Variants in POLR3H observed in about 807,000 individuals in gnomAD.
The protein encoded by POLR3H is RNA polymerase III subunit H.
A neutral mutation model predicts 25.5 loss-of-function variants in POLR3H; 17 were observed. That is an observed-to-expected ratio of 0.67 (90% CI 0.46 to 1.00). The LOEUF is 1.00. Ranked by LOEUF, POLR3H falls within the 50% of genes least tolerant of loss-of-function variation. The pLI, the probability that POLR3H is intolerant of heterozygous loss-of-function variation, is 0.00. For missense variants in POLR3H, 274 were observed against 265.0 expected, an observed-to-expected ratio of 1.03 and a Z score of -0.24; for synonymous variants, 129 against 103.0, an observed-to-expected ratio of 1.25 and a Z score of -1.53.
At chr22:41,530,998 C>T in intron 4 of POLR3H, 110 bp from the exon 5 acceptor site, 8 of 1,065,880 alleles carry the variant, frequency 7.5e-6, no homozygotes, top group South Asian at 5.7e-5. Flanking sequence ...ATCACTGTGG[C>T]TGGGAAGTCA....
chr22:41,537,309 A>G (rs2066865123), intron 2 of POLR3H, among the ~76,000 whole-genome samples: 1 of 152,186 alleles, frequency 6.6e-6, no homozygotes, highest in African/African-American at 2.4e-5. Context: ...ACAGATAGGG[A>G]AACCGAGTTT....
chr22:41,532,120 T>C lies in POLR3H; in HGVS notation c.333A>G (p.Pro111=). 6.2e-7 allele frequency: 1 copy of C among 1,614,030 alleles called. No individual in the cohort carries two copies. The highest frequency in any genetic ancestry group is 8.5e-7 in the Non-Finnish European group (1 of 1,179,964). The change falls in exon 4 of 6, where the codon CCA becomes CCG. Residue 111 remains proline, a synonymous_variant. Coordinates refer to ENST00000355209, the MANE Select transcript of POLR3H (RefSeq NM_001018050.4). ...ACTTGGCTGGCTGCTGCAGTGACTC[T>C]GGGGGGATGAGAATGTCATCGAAGA... The part of the protein sequence containing the change: ...LGFFDDILIP[P]ESLQQPAKFD...
At position 41,544,318 on chromosome 22, in the gene POLR3H, C is replaced by A; in HGVS notation, c.-217G>T. ...GCCAGAGGGAGGCACTCTCCGTCCA[C>A]AGCTCCGGGTGCGCGCCCGCGCCGC... On this transcript the variant is annotated 5_prime_UTR_variant, in exon 1 of 6. Coordinates refer to ENST00000355209, the MANE Select transcript of POLR3H (RefSeq NM_001018050.4). The A allele has an allele frequency of 2.1e-6, 1 of 465,368 alleles. No individual in the cohort carries two copies. Among genetic ancestry groups the A allele is most frequent in the Non-Finnish European group, 3.8e-6 (1 of 261,590 alleles). The allele number at this position is 465,368 out of a possible 1,614,324, so 28.8% of individuals were successfully genotyped here.
Position 41,527,182 on chromosome 22 carries a change from C to A in POLR3H, c.*2101G>T. 3.2e-6 allele frequency: 5 copies of A among 1,565,478 alleles called. No homozygotes were observed. The South Asian group carries it at 5.7e-5, about 18-fold the overall frequency. ...CCCCTCCAGCCCCTTTACCGGGAGC[C>A]TCAGGATGCCCAGGCGCCAGGTGGG... On this transcript the variant is annotated 3_prime_UTR_variant, in exon 6 of 6. Transcript: ENST00000355209.
Position 41,526,608 on chromosome 22 carries a change from T to G in POLR3H, c.*2675A>C. The G allele has an allele frequency of 2.6e-6, 2 of 759,802 alleles. No homozygotes were observed. The highest frequency in any genetic ancestry group is 3.9e-6 in the Non-Finnish European group (2 of 507,596). 47.1% of individuals were successfully genotyped at this position (759,802 alleles called of 1,614,324 possible). A position where few individuals can be genotyped will look rare whatever the true frequency, so the allele number is the denominator to read the frequency against. On this transcript the variant is annotated 3_prime_UTR_variant, in exon 6 of 6. Coordinates refer to ENST00000355209, the MANE Select transcript of POLR3H (RefSeq NM_001018050.4). ...GAAGGGAGGAGAGGCCTGCAGCCCC[T>G]CCCTGTGGCTGAGAAGGCATGAGGC...
Position 41,529,184 on chromosome 22 carries a change from G to T in POLR3H, c.*99C>A. ...GGCCTTGCCTCACTGTCCAGCTCGAGACACTATCTCCTTAGCATCGGCCTC... is the reference window on the plus strand; with the variant it reads ...GGCCTTGCCTCACTGTCCAGCTCGATACACTATCTCCTTAGCATCGGCCTC... On this transcript the variant is annotated 3_prime_UTR_variant, in exon 6 of 6. Coordinates refer to ENST00000355209, the MANE Select transcript of POLR3H (RefSeq NM_001018050.4). The T allele has an allele frequency of 9.1e-7, 1 of 1,096,566 alleles. No individual in the cohort carries two copies. Among genetic ancestry groups the T allele is most frequent in the Non-Finnish European group, 1.3e-6 (1 of 754,872 alleles). The allele number at this position is 1,096,566 out of a possible 1,614,324, so 67.9% of individuals were successfully genotyped here.
At position 41,526,987 on chromosome 22, in the gene POLR3H, CCT is replaced by C. The variant is rs1272178762; in HGVS notation, c.*2294_*2295del. The C allele has an allele frequency of 8.3e-6, 4 of 484,498 alleles. No individual in the cohort carries two copies. The highest frequency in any genetic ancestry group is 1.5e-5 in the Non-Finnish European group (4 of 270,564). 30.0% of individuals were successfully genotyped at this position (484,498 alleles called of 1,614,324 possible). ...TCTTGTGTGGGGCCCGGAGGCCGTCCCTGTCTCACCCAACCTCCCTCCACACA... is the reference window on the plus strand; with the variant it reads ...TCTTGTGTGGGGCCCGGAGGCCGTCCGTCTCACCCAACCTCCCTCCACACA... On this transcript the variant is annotated 3_prime_UTR_variant, in exon 6 of 6. Transcript: ENST00000355209.
chr22:41,533,814 C>A (rs2066792273), intron 2 of POLR3H: 1 of 771,174 alleles, frequency 1.3e-6, no homozygotes, highest in Non-Finnish European at 1.9e-6. Flanking sequence ...CCCTGTCCCC[C>A]ACATGGCCCA....
chr22:41,532,347 G>T (rs1440625888), intron 3 of POLR3H, among the ~76,000 whole-genome samples, 190 bp from the exon 4 acceptor site: 1 of 152,184 alleles, frequency 6.6e-6, no homozygotes, highest in Non-Finnish European at 1.5e-5. Flanking sequence ...GCAGCCCTGG[G>T]CAAAGCCCGG....
intron 5 of POLR3H, among the ~76,000 whole-genome samples, chr22:41,530,006 T>C (rs564364236): frequency 1.2e-4 from 18 of 152,194 alleles, no homozygotes; most frequent in Admixed American, 8.5e-4. Context: ...CCGCCCACCT[T>C]GGCCTCCCAA....
chr22:41,537,506 A>C (rs1334244874), intron 2 of POLR3H, among the ~76,000 whole-genome samples: 2 of 152,190 alleles, frequency 1.3e-5, no homozygotes, highest in Non-Finnish European at 2.9e-5. Context: ...TCAGCCTCAA[A>C]GCATGGCAAT....
rs1193430602 is a variant in POLR3H at position 41,530,794 on chromosome 22, C to G, written c.454G>C (p.Val152Leu). The change falls in exon 5 of 6, where the codon GTG becomes CTG. Residue 152 changes from valine to leucine, a missense_variant. Coordinates refer to ENST00000355209, the MANE Select transcript of POLR3H (RefSeq NM_001018050.4). The stretch of plus-strand genomic sequence containing the variant: ...GTGTCAACAAAGCTCTCGTCCACCA[C>G]CCGGAAGCGGATCTCCTCGCCGGTG... ...MDTGEEIRFR[V>L]VDESFVDTSP... is the part of the protein sequence containing the mutation. The G allele has an allele frequency of 1.2e-6, 2 of 1,614,136 alleles. No homozygotes were observed. The highest frequency in any genetic ancestry group is 3.3e-5 in the Admixed American group (2 of 60,034).
At chr22:41,543,583 T>C (rs948645694) in intron 1 of POLR3H, among the ~76,000 whole-genome samples, 2 of 152,074 alleles carry the variant, frequency 1.3e-5, no homozygotes, top group African/African-American at 4.8e-5. Context: ...ATCGCGCCAC[T>C]GCACTCCAGC....
In POLR3H at chr22:41,525,998, C is replaced by T. The variant is rs1354896855; in HGVS notation, c.*3285G>A. On this transcript the variant is annotated 3_prime_UTR_variant, in exon 6 of 6. Transcript: ENST00000355209. ...GCCTGAAGGGTGAGCGAACATTGAC[C>T]TGTCCCAACTTTGGGCGGCCTCTGC... The T allele has an allele frequency of 2.4e-6, 1 of 410,290 alleles. No homozygotes were observed. The highest frequency in any genetic ancestry group is 4.4e-6 in the Non-Finnish European group (1 of 227,588). 25.4% of individuals were successfully genotyped at this position (410,290 alleles called of 1,614,324 possible).
chr22:41,526,511 C>T lies in POLR3H; in HGVS notation c.*2772G>A. On this transcript the variant is annotated 3_prime_UTR_variant, in exon 6 of 6. Transcript: ENST00000355209. ...GTCACTCCTGAAGGGGCCTGCAAGG[C>T]AGGTGCAGGGAGGACATTAGGGGAG... is the stretch of plus-strand genomic sequence containing the variant. 1.3e-6 allele frequency: 2 copies of T among 1,554,650 alleles called. No individual in the cohort carries two copies. The highest frequency in any genetic ancestry group is 2.7e-5 in the African/African-American group (2 of 73,910).
rs373003452 is a variant in POLR3H at position 41,530,879 on chromosome 22, C to T, written c.369G>A (p.Ala123=). Residue 123 remains alanine, a synonymous_variant, in exon 5 of 6, where the codon GCG becomes GCA. Transcript: ENST00000355209. ...SLQQPAKFDE[A]EQVWVWEYET... is the part of the protein sequence containing the mutation. ...CGTACTCCCACACCCACACCTGCTC[C>T]GCTTCGTCGCTGAGGGGGTCCAGGG... 41 of 1,613,758 alleles carry T rather than the reference C, an allele frequency of 2.5e-5. No homozygotes were observed. The highest frequency in any genetic ancestry group is 1.7e-4 in the Middle Eastern group (1 of 6,040).
intron 2 of POLR3H, among the ~76,000 whole-genome samples, chr22:41,537,906 T>A (rs1166275996): frequency 6.6e-6 from 1 of 151,324 alleles, no homozygotes; most frequent in African/African-American, 2.4e-5. Flanking sequence ...TTCTCCTGCC[T>A]CCACCTCCAC....
At position 41,527,265 on chromosome 22, in the gene POLR3H, C is replaced by T. The variant is rs1266049750; in HGVS notation, c.*2018G>A. 6 of 1,614,002 alleles carry T rather than the reference C, an allele frequency of 3.7e-6. No homozygotes were observed. Among genetic ancestry groups the T allele is most frequent in the Non-Finnish European group, 5.1e-6 (6 of 1,179,988 alleles). On this transcript the variant is annotated 3_prime_UTR_variant, in exon 6 of 6. Coordinates refer to ENST00000355209, the MANE Select transcript of POLR3H (RefSeq NM_001018050.4). The stretch of plus-strand genomic sequence containing the variant: ...GACGGTGCCCTCCTCTGCCTTATAA[C>T]CTTACCCCCGCTTGCCTGACAGAAA...
intron 1 of POLR3H, chr22:41,543,692 C>T (rs533399551): frequency 1.1e-4 from 56 of 526,096 alleles, no homozygotes; most frequent in South Asian, 9.2e-4. Context: ...GGAAGGACAG[C>T]AATATTTTAT....
Sources: gnomAD v4.1 joint callset for allele counts (sites outside exome capture counted in the v4.1 genomes callset) on GRCh38, gnomAD v4.1.1 for gene constraint, MANE v1.5 for transcripts, NCBI Gene and HGNC (gene_info 2026-07-23, HGNC 2026-07-21) for gene names.